The following SORT1 variants were observed in gnomAD, a reference collection of about 807,000 sequenced individuals.
SORT1 encodes sortilin 1.
In SORT1, 39 loss-of-function variants were observed where a neutral mutation model predicts 101.7. The observed-to-expected ratio is 0.38, with a 90% CI of 0.30 to 0.50. The LOEUF (loss-of-function observed/expected upper bound fraction) is 0.50. Among genes scored for constraint, SORT1 ranks in the 20% least tolerant of loss-of-function variants. The pLI is 0.90. For missense variants in SORT1, 878 were observed against 1,040.4 expected (o/e 0.84, Z 2.15); for synonymous variants, 396 against 393.7 (o/e 1.01, Z -0.07).
chr1:109,395,802 T>C (rs959032640), intron 1 of SORT1, among the ~76,000 whole-genome samples: 1 of 152,162 alleles, frequency 6.6e-6, no homozygotes, highest in African/African-American at 2.4e-5. Flanking sequence ...AGGCAGGGCA[T>C]AGTGGCTCAC....
chr1:109,397,435 G>T, intron 1 of SORT1, 152 bp downstream of exon 1: 1 of 392,042 alleles, frequency 2.6e-6, no homozygotes, highest in Non-Finnish European at 3.5e-6. Flanking sequence ...GACTCCGCCC[G>T]CCCGCCCGCC....
At chr1:109,375,370 C>T (rs1018144460) in intron 1 of SORT1, among the ~76,000 whole-genome samples, 2 of 151,770 alleles carry the variant, frequency 1.3e-5, no homozygotes, top group African/African-American at 2.4e-5. Context: ...AGACCATCCC[C>T]GTCTCTACTA....
At chr1:109,323,778 GC>G (rs1242835516) in intron 14 of SORT1, among the ~76,000 whole-genome samples, 6 of 152,214 alleles carry the variant, frequency 3.9e-5, no homozygotes, top group Admixed American at 3.3e-4. Context: ...CATACAGCCT[GC>G]TAAAGAGCAG....
At chr1:109,356,372 A>G (rs542156852) in intron 3 of SORT1, among the ~76,000 whole-genome samples, 1 of 152,338 alleles carries the variant, frequency 6.6e-6, no homozygotes, top group East Asian at 1.9e-4. Flanking sequence ...AAAGACTGCT[A>G]TCGTCATTCT....
At position 109,354,464 on chromosome 1, in the gene SORT1, G is replaced by A. The variant is rs747520170; in HGVS notation, c.611C>T (p.Ala204Val). The A allele has an allele frequency of 3.1e-6, 5 of 1,612,958 alleles. No individual in the cohort carries two copies. The highest frequency in any genetic ancestry group is 1.7e-5 in the Admixed American group (1 of 59,988). ...GGRIFRSSDFAKNFVQTDLPF... is the reference protein window; with the variant it reads ...GGRIFRSSDFVKNFVQTDLPF... The stretch of plus-strand genomic sequence containing the variant: ...GAGATCTGTTTGCACAAAATTCTTC[G>A]CAAAATCTGATGATCTAAAGATTCT... Residue 204 changes from alanine (A) to valine (V), a missense_variant, in exon 5 of 20, where the codon GCG (alanine) becomes GTG (valine). This residue lies in a region of SORT1 where 684 missense variants were observed against 894.5 expected (regional missense o/e 0.76). Coordinates refer to ENST00000256637, the MANE Select transcript of SORT1 (RefSeq NM_002959.7).
chr1:109,374,069 AC>A (rs1165690967), intron 1 of SORT1, among the ~76,000 whole-genome samples: 1 of 152,208 alleles, frequency 6.6e-6, no homozygotes, highest in Non-Finnish European at 1.5e-5. Context: ...AGCCTGAGCA[AC>A]AGAGCAAGAC....
intron 4 of SORT1, 52 bp downstream of exon 4, chr1:109,355,315 C>G (rs531324783): frequency 3.0e-4 from 262 of 878,814 alleles, no homozygotes; most frequent in Admixed American, 7.3e-4. Context: ...TATCTGACAG[C>G]TCTGCATGTG....
intron 2 of SORT1, among the ~76,000 whole-genome samples, chr1:109,367,836 C>T (rs1318642974): frequency 1.3e-5 from 2 of 152,232 alleles, no homozygotes; most frequent in Admixed American, 1.3e-4. Context: ...GGTGTTCTCA[C>T]AGAGATCACT....
chr1:109,346,754 A>AG, intron 7 of SORT1, among the ~76,000 whole-genome samples: 1 of 152,024 alleles, frequency 6.6e-6, no homozygotes, highest in East Asian at 1.9e-4. Context: ...CAAAAAAAAA[A>AG]AAAAAAAAAA....
At chr1:109,341,495 C>T (rs560201887) in intron 9 of SORT1, among the ~76,000 whole-genome samples, 10 of 151,938 alleles carry the variant, frequency 6.6e-5, no homozygotes, top group Non-Finnish European at 8.8e-5. Flanking sequence ...TATAGGTGCT[C>T]GCCACCACGG....
intron 3 of SORT1, among the ~76,000 whole-genome samples, chr1:109,360,697 A>G (rs1650663949): frequency 6.6e-6 from 1 of 151,996 alleles, no homozygotes; most frequent in Admixed American, 6.6e-5. Flanking sequence ...CAGGTCCAAT[A>G]TTGGGGAGGG....
At chr1:109,340,170 A>G (rs1649117811) in intron 10 of SORT1, among the ~76,000 whole-genome samples, 1 of 151,602 alleles carries the variant, frequency 6.6e-6, no homozygotes, top group African/African-American at 2.4e-5. Context: ...AAAAAGAAAG[A>G]AAAAGAAAAA....
At chr1:109,382,474 C>T (rs1652304761) in intron 1 of SORT1, among the ~76,000 whole-genome samples, 2 of 152,106 alleles carry the variant, frequency 1.3e-5, no homozygotes, top group African/African-American at 4.8e-5. Flanking sequence ...CACTAGTTAA[C>T]AGATATACCA....
In SORT1 at chr1:109,327,111, T is replaced by C; in HGVS notation, c.1524A>G (p.Ser508=). 1 of 1,613,600 alleles carries C rather than the reference T, an allele frequency of 6.2e-7. No individual in the cohort carries two copies. The change falls in exon 13 of 20, where the codon TCA becomes TCG. Residue 508 remains serine, a synonymous_variant. Coordinates refer to ENST00000256637, the MANE Select transcript of SORT1 (RefSeq NM_002959.7). ...TTGTCCAGGAGTAACCCCCATCATC[T>C]GAGATGTACACATCTGGAACCATCA... ...ISVMVPDVYI[S]DDGGYSWTKM...
chr1:109,326,220 CTTT>C (rs762161455), intron 13 of SORT1, among the ~76,000 whole-genome samples: 3 of 135,246 alleles, frequency 2.2e-5, no homozygotes, highest in African/African-American at 2.7e-5. Context: ...GCTAATTTTT[CTTT>C]TTTTTTTTTT....
At chr1:109,319,024 T>C (rs1647439826) in intron 15 of SORT1, among the ~76,000 whole-genome samples, 1 of 152,188 alleles carries the variant, frequency 6.6e-6, no homozygotes, top group Non-Finnish European at 1.5e-5. Context: ...GAGATCCACC[T>C]GCCTCAGCCT....
At chr1:109,329,424 T>G (rs2101557260) in intron 11 of SORT1, among the ~76,000 whole-genome samples, 1 of 152,250 alleles carries the variant, frequency 6.6e-6, no homozygotes, top group Non-Finnish European at 1.5e-5. Flanking sequence ...CGGCTAATTT[T>G]TTGTATTTTT....
chr1:109,370,538 G>T (rs1159062953), intron 1 of SORT1, among the ~76,000 whole-genome samples: 6 of 152,074 alleles, frequency 3.9e-5, no homozygotes, highest in African/African-American at 1.4e-4. Context: ...ATACTATATA[G>T]AGTCTATATA....
At chr1:109,376,756 G>T (rs1330523996) in intron 1 of SORT1, among the ~76,000 whole-genome samples, 1 of 152,176 alleles carries the variant, frequency 6.6e-6, no homozygotes, top group Non-Finnish European at 1.5e-5. Flanking sequence ...GGACGCAGGT[G>T]AGTACTGGTA....
Sources: allele counts gnomAD v4.1 joint callset (sites outside exome capture counted in the v4.1 genomes callset), GRCh38; gene constraint gnomAD v4.1.1; regional missense constraint gnomAD v4.1.1; transcripts MANE v1.5; gene names NCBI Gene and HGNC (gene_info 2026-07-23, HGNC 2026-07-21).